DLG2: variants seen among roughly 807,000 people sequenced by gnomAD.
DLG2 encodes discs large MAGUK scaffold protein 2, also known as disks large homolog 2.
Under a neutral mutation model 132.5 loss-of-function variants are expected in DLG2, and 45 were observed. The observed-to-expected ratio is 0.34, with a 90% CI of 0.27 to 0.44. DLG2 has a LOEUF of 0.44. Ranked by LOEUF, DLG2 falls within the 20% of genes least tolerant of loss-of-function variation. The pLI is 1.00. For missense variants in DLG2, 1,045 were observed against 1,196.9 expected (o/e 0.87, Z 1.87); for synonymous variants, 424 against 419.6 (o/e 1.01, Z -0.13).
At chr11:84,652,326 T>C (rs1293024431) in intron 6 of DLG2, among the ~76,000 whole-genome samples, 1 of 152,158 alleles carries the variant, frequency 6.6e-6, no homozygotes, top group East Asian at 1.9e-4. Context: ...ATACAAGAGT[T>C]ATTTAAGAGA....
intron 4 of DLG2, among the ~76,000 whole-genome samples, chr11:85,238,565 A>C (rs181106353): frequency 7.8e-4 from 119 of 152,174 alleles, no homozygotes; most frequent in African/African-American, 2.7e-3. Context: ...TTTTAAAGCC[A>C]AACCTCTTTC....
At chr11:84,569,440 A>G (rs2099471663) in intron 6 of DLG2, among the ~76,000 whole-genome samples, 1 of 152,214 alleles carries the variant, frequency 6.6e-6, no homozygotes, top group African/African-American at 2.4e-5. Flanking sequence ...TCAGATTAAT[A>G]CTCAAAGTTC....
At chr11:85,578,552 A>T (rs2078304650) in intron 3 of DLG2, among the ~76,000 whole-genome samples, 1 of 151,672 alleles carries the variant, frequency 6.6e-6, no homozygotes, top group South Asian at 2.1e-4. Context: ...AGAAAAAAAT[A>T]CATTAAAAGG....
intron 6 of DLG2, among the ~76,000 whole-genome samples, chr11:84,869,563 T>C (rs902086169): frequency 8.5e-5 from 13 of 152,238 alleles, no homozygotes; most frequent in African/African-American, 3.1e-4. Flanking sequence ...TTACATATTT[T>C]ATGCATCTGA....
At chr11:84,816,821 C>A (rs1371671667) in intron 6 of DLG2, among the ~76,000 whole-genome samples, 3 of 151,890 alleles carry the variant, frequency 2.0e-5, no homozygotes, top group Non-Finnish European at 4.4e-5. Context: ...AAACTGTAAA[C>A]CAAAAGCAAA....
At chr11:84,414,545 G>A (rs1601711137) in intron 7 of DLG2, among the ~76,000 whole-genome samples, 1 of 152,000 alleles carries the variant, frequency 6.6e-6, no homozygotes. Flanking sequence ...TATTATATTC[G>A]GACTGAACGT....
At chr11:85,614,795 T>C (rs2081235342) in intron 2 of DLG2, among the ~76,000 whole-genome samples, 1 of 152,226 alleles carries the variant, frequency 6.6e-6, no homozygotes, top group East Asian at 1.9e-4. Context: ...TACTACTATA[T>C]ACATTTTCAC....
intron 9 of DLG2, among the ~76,000 whole-genome samples, chr11:84,137,702 C>T (rs1458449671): frequency 6.6e-6 from 1 of 152,088 alleles, no homozygotes; most frequent in Non-Finnish European, 1.5e-5. Flanking sequence ...CTGCATGTGG[C>T]TATAAATTGT....
chr11:83,747,754 G>C (rs1324634550), intron 18 of DLG2, among the ~76,000 whole-genome samples: 1 of 151,824 alleles, frequency 6.6e-6, no homozygotes, highest in East Asian at 1.9e-4. Context: ...TGCAAGTATA[G>C]ATGTTTCATA....
At chr11:84,744,661 T>C (rs1335300486) in intron 6 of DLG2, among the ~76,000 whole-genome samples, 1 of 152,126 alleles carries the variant, frequency 6.6e-6, no homozygotes, top group African/African-American at 2.4e-5. Context: ...CCTGAGGTAA[T>C]GTTTGAACAT....
chr11:84,640,158 T>A (rs2099654740), intron 6 of DLG2: 2 of 272,982 alleles, frequency 7.3e-6, no homozygotes, highest in South Asian at 8.3e-5. Flanking sequence ...GAGGCTCCGG[T>A]TGACAAATGG....
rs1045400496 is a variant in DLG2 at position 84,122,448 on chromosome 11, C to T, written c.625-23401G>A. Among the ~76,000 whole-genome samples, 6 of 152,128 alleles carry T rather than the reference C, an allele frequency of 3.9e-5. No homozygotes were observed. In the South Asian group the frequency reaches 1.2e-3, roughly 31 times the overall value. ...TGGAGACTGATTAGTCAACTGATGA[C>T]CAGTGATGCCTGTCTTCACCAAGAT... On this transcript the variant is annotated intron_variant, in intron 9 of 27. Transcript: ENST00000376104.
At chr11:85,237,354 T>C (rs1057114706) in intron 4 of DLG2, among the ~76,000 whole-genome samples, 3 of 152,090 alleles carry the variant, frequency 2.0e-5, no homozygotes, top group Admixed American at 6.6e-5. Flanking sequence ...ACAAAAACCC[T>C]TAAAGAGCCT....
intron 3 of DLG2, among the ~76,000 whole-genome samples, chr11:85,584,138 A>T (rs565664980): frequency 2.0e-5 from 3 of 151,984 alleles, no homozygotes; most frequent in Non-Finnish European, 4.4e-5. Context: ...ACTGTACCCA[A>T]TGTGTAGTCT....
At chr11:85,177,001 T>C (rs1489424016) in intron 4 of DLG2, among the ~76,000 whole-genome samples, 1 of 152,064 alleles carries the variant, frequency 6.6e-6, no homozygotes, top group Non-Finnish European at 1.5e-5. Context: ...CTTTACACTG[T>C]GGGTGGGAGT....
At chr11:85,439,605 C>T (rs1030245137) in intron 3 of DLG2, among the ~76,000 whole-genome samples, 4 of 152,056 alleles carry the variant, frequency 2.6e-5, no homozygotes, top group African/African-American at 7.2e-5. Flanking sequence ...ATGATGTACC[C>T]GCCTCGGCCT....
intron 6 of DLG2, among the ~76,000 whole-genome samples, chr11:85,097,105 C>T (rs1171160121): frequency 6.6e-6 from 1 of 152,144 alleles, no homozygotes; most frequent in Non-Finnish European, 1.5e-5. Context: ...TGGGTCCTAA[C>T]GCCTGTCAGA....
At chr11:85,139,043 C>T (rs2076298127) in intron 5 of DLG2, among the ~76,000 whole-genome samples, 2 of 152,098 alleles carry the variant, frequency 1.3e-5, no homozygotes, top group South Asian at 4.1e-4. Flanking sequence ...ATTCAAGGCT[C>T]TGCTCAGATG....
Position 83,798,484 on chromosome 11 carries a change from G to A in DLG2, c.1723-11692C>T, listed in dbSNP as rs79930713. On this transcript the variant is annotated intron_variant, in intron 17 of 27. Coordinates refer to ENST00000376104, the MANE Select transcript of DLG2 (RefSeq NM_001142699.3). ...AATAATAAAACCAAAGAATATGTTT[G>A]GTAGAAGACTATCTTAGGATAAAAG... Among the ~76,000 whole-genome samples, 674 of 152,158 alleles carry A rather than the reference G, an allele frequency of 4.4e-3. 3 individuals carry two copies. Among genetic ancestry groups the A allele is most frequent in the Non-Finnish European group, 7.6e-3 (514 of 67,980 alleles).
Sources: gnomAD v4.1 joint callset for allele counts (sites outside exome capture counted in the v4.1 genomes callset) on GRCh38, gnomAD v4.1.1 for gene constraint, MANE v1.5 for transcripts, NCBI Gene and HGNC (gene_info 2026-07-23, HGNC 2026-07-21) for gene names.